Variants in DKK2 observed in about 807,000 individuals in gnomAD.
The protein encoded by DKK2 is dickkopf-related protein 2.
DKK2 carries 11 observed loss-of-function variants against 28.1 expected under a neutral mutation model. The observed-to-expected ratio is 0.39, with a 90% CI of 0.25 to 0.65. The LOEUF is 0.65. DKK2 is among the 30% of genes least tolerant of loss of function. The pLI, the probability that DKK2 is intolerant of heterozygous loss-of-function variation, is 0.47. For missense variants in DKK2, 326 were observed against 335.5 expected, an observed-to-expected ratio of 0.97 and a Z score of 0.22; for synonymous variants, 135 against 126.5, an observed-to-expected ratio of 1.07 and a Z score of -0.45.
intron 1 of DKK2, among the ~76,000 whole-genome samples, chr4:106,956,536 A>G (rs1269347347): frequency 6.6e-6 from 1 of 152,242 alleles, no homozygotes; most frequent in African/African-American, 2.4e-5. Context: ...ACAGCATGGT[A>G]TTGTTACCAA....
intron 1 of DKK2, among the ~76,000 whole-genome samples, chr4:107,004,143 A>G (rs1241688659): frequency 6.6e-6 from 1 of 152,174 alleles, no homozygotes; most frequent in Non-Finnish European, 1.5e-5. Context: ...CAGACCACAT[A>G]AGCAGAGTCA....
chr4:106,924,498 T>A, intron 3 of DKK2, 47 bp downstream of exon 3: 1 of 1,575,888 alleles, frequency 6.3e-7, no homozygotes, highest in Non-Finnish European at 8.6e-7. Flanking sequence ...ATATTTTTCT[T>A]CTATTTCTTT....
intron 1 of DKK2, among the ~76,000 whole-genome samples, chr4:107,007,128 A>G (rs1202324503): frequency 1.3e-5 from 2 of 152,114 alleles, no homozygotes; most frequent in African/African-American, 4.8e-5. Flanking sequence ...TTACTTTTTT[A>G]GTTTAGTGAT....
chr4:106,975,620 T>C (rs763733315), intron 1 of DKK2, among the ~76,000 whole-genome samples: 24 of 152,164 alleles, frequency 1.6e-4, no homozygotes, highest in Non-Finnish European at 3.2e-4. Flanking sequence ...TCTGTTTGAT[T>C]CTTCTCTCTT....
At chr4:107,001,096 A>G (rs539275175) in intron 1 of DKK2, among the ~76,000 whole-genome samples, 3 of 151,856 alleles carry the variant, frequency 2.0e-5, no homozygotes, top group African/African-American at 4.8e-5. Context: ...GGGGGAAAAA[A>G]CTCTACCCTA....
At chr4:106,957,183 C>T (rs1172502869) in intron 1 of DKK2, among the ~76,000 whole-genome samples, 4 of 152,020 alleles carry the variant, frequency 2.6e-5, no homozygotes, top group Admixed American at 2.0e-4. Flanking sequence ...CAGAGAAATG[C>T]AAATCAAAAC....
At chr4:106,985,653 A>T (rs1723105828) in intron 1 of DKK2, among the ~76,000 whole-genome samples, 1 of 151,274 alleles carries the variant, frequency 6.6e-6, no homozygotes, top group Non-Finnish European at 1.5e-5. Context: ...TACTAAAAAT[A>T]CAAAAATTAG....
intron 1 of DKK2, among the ~76,000 whole-genome samples, chr4:106,969,813 T>TA (rs1172365425): frequency 6.6e-6 from 1 of 152,052 alleles, no homozygotes; most frequent in Non-Finnish European, 1.5e-5. Flanking sequence ...TCCAAGAGTT[T>TA]AAATAGGTCA....
intron 1 of DKK2, among the ~76,000 whole-genome samples, chr4:106,976,902 CT>C (rs1722954305): frequency 6.6e-6 from 1 of 151,886 alleles, no homozygotes; most frequent in Non-Finnish European, 1.5e-5. Context: ...ATATTGAGTG[CT>C]TTTTTCAGGA....
intron 3 of DKK2, 124 bp downstream of exon 3, chr4:106,924,421 T>C (rs1724395422): frequency 7.5e-7 from 1 of 1,333,412 alleles, no homozygotes; most frequent in African/African-American, 1.5e-5. Context: ...ATAACAAGTT[T>C]AATGACTAGC....
intron 1 of DKK2, among the ~76,000 whole-genome samples, chr4:106,979,988 A>G (rs1207640385): frequency 6.6e-6 from 1 of 152,262 alleles, no homozygotes; most frequent in African/African-American, 2.4e-5. Context: ...AAACATACAC[A>G]TAAAACTTCT....
intron 1 of DKK2, among the ~76,000 whole-genome samples, chr4:107,020,981 T>C (rs1723683314): frequency 6.6e-6 from 1 of 152,024 alleles, no homozygotes; most frequent in Non-Finnish European, 1.5e-5. Flanking sequence ...AATAAGCATA[T>C]TACATGAATT....
intron 1 of DKK2, among the ~76,000 whole-genome samples, chr4:106,934,128 T>C (rs1452843643): frequency 6.6e-6 from 1 of 151,846 alleles, no homozygotes; most frequent in East Asian, 1.9e-4. Context: ...TCAGGAAATA[T>C]GCCCAGAAAT....
At chr4:107,005,094 G>A (rs1487316777) in intron 1 of DKK2, among the ~76,000 whole-genome samples, 1 of 152,078 alleles carries the variant, frequency 6.6e-6, no homozygotes, top group Non-Finnish European at 1.5e-5. Flanking sequence ...TGTAATCCCA[G>A]CACTTTGGAA....
intron 1 of DKK2, among the ~76,000 whole-genome samples, chr4:107,033,297 A>G (rs1330383857): frequency 6.6e-6 from 1 of 152,352 alleles, no homozygotes; most frequent in African/African-American, 2.4e-5. Flanking sequence ...TATGAAAGGC[A>G]TATAAGAAAT....
intron 1 of DKK2, among the ~76,000 whole-genome samples, chr4:107,012,272 C>A (rs184721718): frequency 1.3e-5 from 2 of 151,416 alleles, no homozygotes; most frequent in Non-Finnish European, 1.5e-5. Flanking sequence ...GGCTAAGAAG[C>A]AAATAGATTA....
At chr4:106,927,415 T>C (rs796520847) in intron 1 of DKK2, among the ~76,000 whole-genome samples, 5 of 152,244 alleles carry the variant, frequency 3.3e-5, no homozygotes, top group African/African-American at 1.2e-4. Flanking sequence ...AGATAAAAAA[T>C]GTATTTTAGC....
At chr4:106,996,402 T>G (rs1425429100) in intron 1 of DKK2, among the ~76,000 whole-genome samples, 1 of 152,132 alleles carries the variant, frequency 6.6e-6, no homozygotes. Context: ...GACAGCAGAT[T>G]ATAAGGTTAG....
At chr4:106,976,095 G>T (rs1048939995) in intron 1 of DKK2, among the ~76,000 whole-genome samples, 10 of 152,154 alleles carry the variant, frequency 6.6e-5, no homozygotes, top group Admixed American at 6.6e-4. Context: ...TTGCACTGTG[G>T]TCTGAGAGCC....
Sources: allele counts gnomAD v4.1 joint callset (sites outside exome capture counted in the v4.1 genomes callset), GRCh38; gene constraint gnomAD v4.1.1; transcripts MANE v1.5; gene names NCBI Gene and HGNC (gene_info 2026-07-23, HGNC 2026-07-21).